The following TSEN2 variants were observed in gnomAD, a reference collection of about 807,000 sequenced individuals.
TSEN2 encodes the protein tRNA-splicing endonuclease subunit Sen2.
TSEN2 carries 54 observed loss-of-function variants against 59.2 expected under a neutral mutation model. The observed-to-expected ratio is 0.91, with a 90% CI of 0.73 to 1.14. TSEN2 has a LOEUF of 1.14. Ranked by LOEUF, TSEN2 falls within the 50% of genes most tolerant of loss-of-function variation. The probability of loss-of-function intolerance (pLI) is 0.00; values close to 1 mark genes in which losing one functional copy is unlikely to be tolerated. For missense variants in TSEN2, 636 were observed against 576.2 expected (o/e 1.10, Z -1.06); for synonymous variants, 195 against 198.2 (o/e 0.98, Z 0.14).
In TSEN2 at chr3:12,532,702, G is replaced by A; in HGVS notation, c.1379G>A (p.Ser460Asn). Residue 460 changes from serine to asparagine, a missense_variant, in exon 12 of 12, where the codon AGT (serine) becomes AAT (asparagine). Coordinates refer to ENST00000284995, the MANE Select transcript of TSEN2 (RefSeq NM_025265.4). The part of the protein sequence containing the change: ...LSRWVSSRER[S>N]DQDDL ...CGATGGGTTTCTTCACGAGAGAGGA[G>A]TGACCAAGACGATCTTTAACAATTC... The A allele has an allele frequency of 6.2e-7, 1 of 1,614,140 alleles. No individual in the cohort carries two copies. Among genetic ancestry groups the A allele is most frequent in the Non-Finnish European group, 8.5e-7 (1 of 1,180,018 alleles).
chr3:12,506,158 G>A (rs299652), intron 6 of TSEN2, among the ~76,000 whole-genome samples: 79,021 of 150,166 alleles, frequency 0.53, 22,497 homozygotes, highest in African/African-American at 0.76. Context: ...AGTACAAGTC[G>A]CTATTGTTTG....
At chr3:12,525,367 G>A (rs2056991523) in intron 8 of TSEN2, among the ~76,000 whole-genome samples, 1 of 152,110 alleles carries the variant, frequency 6.6e-6, no homozygotes, top group Non-Finnish European at 1.5e-5. Context: ...GATACCATAA[G>A]TACCATAAGT....
chr3:12,534,981 A>C (rs145733623), downstream of TSEN2, among the ~76,000 whole-genome samples: 484 of 151,942 alleles, frequency 3.2e-3, 4 homozygotes, highest in African/African-American at 0.011. Context: ...AAACAAAAAC[A>C]AAAAAAACCT....
intron 11 of TSEN2, among the ~76,000 whole-genome samples, chr3:12,531,941 G>A (rs2057485773): frequency 6.6e-6 from 1 of 152,172 alleles, no homozygotes; most frequent in African/African-American, 2.4e-5. Flanking sequence ...CCCCTGGCCA[G>A]GCCAGGACTT....
At chr3:12,524,779 G>A (rs539882385) in intron 8 of TSEN2, among the ~76,000 whole-genome samples, 3 of 129,536 alleles carry the variant, frequency 2.3e-5, no homozygotes. Context: ...GTGTCGCTCT[G>A]TTGCTCAGGC....
chr3:12,499,338 A>G (rs1302486709), intron 4 of TSEN2, among the ~76,000 whole-genome samples: 1 of 152,160 alleles, frequency 6.6e-6, no homozygotes, highest in Non-Finnish European at 1.5e-5. Context: ...GGCATTGGGT[A>G]GGTGCTGGGG....
chr3:12,531,458 A>C, intron 10 of TSEN2, 112 bp from the exon 11 acceptor site: 1 of 701,804 alleles, frequency 1.4e-6, no homozygotes. Flanking sequence ...GTGAGTTTCC[A>C]CTTGGAGTGC....
intron 6 of TSEN2, among the ~76,000 whole-genome samples, chr3:12,508,966 T>G (rs1352094161): frequency 6.6e-6 from 1 of 152,180 alleles, no homozygotes; most frequent in Non-Finnish European, 1.5e-5. Flanking sequence ...GCTCAAGGTA[T>G]CCCACCACCT....
chr3:12,495,752 A>T lies in TSEN2; in HGVS notation c.272-766A>T, dbSNP rs147548728. ...TCTCTTCCAAGCATTTAATGCATGC[A>T]GACGAGGCTGAGTTTGGGAAAAGAG... On this transcript the variant is annotated intron_variant, in intron 3 of 11. Coordinates refer to ENST00000284995, the MANE Select transcript of TSEN2 (RefSeq NM_025265.4). Among the ~76,000 whole-genome samples, 517 of 152,346 alleles carry T rather than the reference A, an allele frequency of 3.4e-3. 4 individuals are homozygous for T. The highest frequency in any genetic ancestry group is 0.012 in the African/African-American group (491 of 41,570).
chr3:12,487,977 C>G (rs752932808), intron 1 of TSEN2, among the ~76,000 whole-genome samples: 17 of 152,142 alleles, frequency 1.1e-4, no homozygotes, highest in Non-Finnish European at 4.4e-5. Flanking sequence ...CTTCCCGATT[C>G]TTCTTTTTCA....
chr3:12,529,921 G>GTTTTTTTT (rs35445022), intron 10 of TSEN2, 48 bp downstream of exon 10: 1 of 1,507,494 alleles, frequency 6.6e-7, no homozygotes, highest in Non-Finnish European at 8.9e-7. Context: ...AAATGGTTCA[G>GTTTTTTTT]TTTTTTTTTT....
chr3:12,530,296 GC>G (rs2057380762), intron 10 of TSEN2: 1 of 992,582 alleles, frequency 1.0e-6, no homozygotes, highest in African/African-American at 1.7e-5. Context: ...GATATTTGTT[GC>G]TAAGCACTTT....
intron 11 of TSEN2, among the ~76,000 whole-genome samples, chr3:12,532,221 G>C (rs746105933): frequency 5.3e-5 from 8 of 152,082 alleles, no homozygotes; most frequent in Non-Finnish European, 1.2e-4. Flanking sequence ...CCTGCTGGTC[G>C]GTCTCCAGGG....
Position 12,519,199 on chromosome 3 carries a change from T to C in TSEN2, c.1099+2T>C. ...GACTCAAGTACGGGACAGATTTACG[T>C]AAGTAATTCTTGGCGTGGTGTGTGT... is the stretch of plus-strand genomic sequence containing the variant. On this transcript the variant is annotated splice_donor_variant, in intron 8 of 11. Transcript: ENST00000284995. LOFTEE classifies it high-confidence loss of function. 6.2e-7 allele frequency: 1 copy of C among 1,614,230 alleles called. No homozygotes were observed. Among genetic ancestry groups the C allele is most frequent in the Non-Finnish European group, 8.5e-7 (1 of 1,180,044 alleles).
chr3:12,485,514 G>A lies in TSEN2; in HGVS notation c.-18+634G>A, dbSNP rs150343241. Among the ~76,000 whole-genome samples the A allele has an allele frequency of 2.5e-3, 384 of 152,232 alleles. 5 individuals carry two copies. The highest frequency in any genetic ancestry group is 0.019 in the East Asian group (96 of 5,188). ...GGAAATAAAAATAGTCTTTACCTCC[G>A]GGGGCTACTGGGATTAAGTGAATTT... On this transcript the variant is annotated intron_variant, in intron 1 of 11. Transcript: ENST00000284995.
upstream of TSEN2, among the ~76,000 whole-genome samples, chr3:12,481,416 C>A (rs930263763): frequency 2.0e-5 from 3 of 152,218 alleles, no homozygotes; most frequent in African/African-American, 7.2e-5. Context: ...TGCAGGTGAA[C>A]AAGGAGACTC....
chr3:12,526,475 A>G (rs2057091812), intron 8 of TSEN2, among the ~76,000 whole-genome samples: 1 of 152,250 alleles, frequency 6.6e-6, no homozygotes, highest in Non-Finnish European at 1.5e-5. Context: ...CCTAGGAGCA[A>G]TAAGTGATAT....
intron 8 of TSEN2, among the ~76,000 whole-genome samples, chr3:12,524,457 G>A (rs750693761): frequency 6.6e-6 from 1 of 152,082 alleles, no homozygotes; most frequent in Non-Finnish European, 1.5e-5. Flanking sequence ...GATTCTTGTG[G>A]CCCCAGGCGT....
In TSEN2 at chr3:12,516,442, A is replaced by ATGTG. The variant is rs1491196550; in HGVS notation, c.910-168_910-167insGTGT. On this transcript the variant is annotated intron_variant, in intron 6 of 11. Transcript: ENST00000284995. ...TCCGTTTCAAAAACAAACAAACAAA[A>ATGTG]TATATGTGTGTGTGTGTGTGTGTGT... Among the ~76,000 whole-genome samples the ATGTG allele has an allele frequency of 0.047, 4,224 of 89,094 alleles. 89 individuals carry two copies. The highest frequency in any genetic ancestry group is 0.078 in the Middle Eastern group (13 of 166). The allele number at this position is 89,094 out of a possible 152,430, so 58.4% of individuals were successfully genotyped here.
Sources: allele counts gnomAD v4.1 joint callset (sites outside exome capture counted in the v4.1 genomes callset), GRCh38; gene constraint gnomAD v4.1.1; transcripts MANE v1.5; gene names NCBI Gene and HGNC (gene_info 2026-07-23, HGNC 2026-07-21).